Variants in PARP16 observed in about 807,000 individuals in gnomAD.
PARP16 encodes poly(ADP-ribose) polymerase family member 16, also known as protein mono-ADP-ribosyltransferase PARP16.
A neutral mutation model predicts 35.0 loss-of-function variants in PARP16; 31 were observed. The observed-to-expected ratio is 0.88, with a 90% confidence interval of 0.66 to 1.19. PARP16 has a LOEUF of 1.19. Among genes scored for constraint, PARP16 ranks in the 50% most tolerant of loss-of-function variants. The pLI, the probability that PARP16 is intolerant of heterozygous loss-of-function variation, is 0.00. For synonymous variants in PARP16, 162 were observed against 169.5 expected, an observed-to-expected ratio of 0.96 and a Z score of 0.34; for missense variants, 424 against 411.2, an observed-to-expected ratio of 1.03 and a Z score of -0.27.
intron 2 of PARP16, among the ~76,000 whole-genome samples, chr15:65,248,580 A>G (rs1358744341): frequency 6.6e-6 from 1 of 152,190 alleles, no homozygotes; most frequent in East Asian, 1.9e-4. Context: ...GCCTACACAC[A>G]CAAACCCAGA....
At chr15:65,283,300 T>C (rs1466994441) in intron 1 of PARP16, among the ~76,000 whole-genome samples, 1 of 151,922 alleles carries the variant, frequency 6.6e-6, no homozygotes, top group African/African-American at 2.4e-5. Flanking sequence ...AGCTGCATTG[T>C]GAGTTTGATC....
At chr15:65,243,526 C>T (rs1293557947) in intron 3 of PARP16, among the ~76,000 whole-genome samples, 3 of 152,200 alleles carry the variant, frequency 2.0e-5, no homozygotes, top group African/African-American at 7.2e-5. Context: ...GCTGGGATTA[C>T]AGGCGTGAGT....
At chr15:65,239,710 G>A (rs993426808) in intron 3 of PARP16, among the ~76,000 whole-genome samples, 2 of 147,384 alleles carry the variant, frequency 1.4e-5, no homozygotes, top group African/African-American at 5.0e-5. Context: ...AGGCTGGAGT[G>A]TAGTGGCGCG....
intron 2 of PARP16, among the ~76,000 whole-genome samples, chr15:65,268,019 T>C (rs917980184): frequency 1.3e-5 from 2 of 152,088 alleles, no homozygotes; most frequent in Admixed American, 1.3e-4. Context: ...ATCTATCTCC[T>C]GCATTCCATT....
intron 2 of PARP16, among the ~76,000 whole-genome samples, chr15:65,267,098 G>A (rs988449581): frequency 2.6e-4 from 40 of 151,758 alleles, no homozygotes; most frequent in African/African-American, 9.0e-4. Context: ...AAAATTAGCC[G>A]GGTGTGGCAG....
At chr15:65,265,135 C>T (rs577510859) in intron 3 of PARP16, among the ~76,000 whole-genome samples, 2 of 152,350 alleles carry the variant, frequency 1.3e-5, no homozygotes, top group African/African-American at 4.8e-5. Flanking sequence ...AGTCTCAGGG[C>T]TGCAGCAGCC....
chr15:65,286,345 C>A lies in PARP16; in HGVS notation c.82G>T (p.Ala28Ser). The A allele has an allele frequency of 1.3e-6, 2 of 1,599,502 alleles. No homozygotes were observed. Among genetic ancestry groups the A allele is most frequent in the Non-Finnish European group, 1.7e-6 (2 of 1,174,592 alleles). ...CGCTTGTAGCTCTGCAGGGCCGAGG[C>A]GAAGAGGCTGCACCGGAGGTCGGCG... is the stretch of plus-strand genomic sequence containing the variant. ...LAADLRCSLF[A>S]SALQSYKRDS... Residue 28 changes from alanine to serine, a missense_variant, in exon 1 of 6, where the codon GCC (alanine) becomes TCC (serine). Physicochemically the swap from Ala to Ser is moderately conservative, Grantham distance 99. Transcript: ENST00000649807.
chr15:65,267,612 A>C (rs972244106), intron 2 of PARP16, among the ~76,000 whole-genome samples: 1 of 118,326 alleles, frequency 8.5e-6, no homozygotes, highest in Non-Finnish European at 1.9e-5. Flanking sequence ...GTCTCAAAAA[A>C]TAAATAAATT....
intron 3 of PARP16, among the ~76,000 whole-genome samples, chr15:65,263,607 G>A (rs946509871): frequency 2.4e-4 from 36 of 152,156 alleles, no homozygotes; most frequent in African/African-American, 8.7e-4. Flanking sequence ...ATAGGTATAA[G>A]CATCCAAACC....
At chr15:65,232,296 C>T (rs2088786727), downstream of PARP16, among the ~76,000 whole-genome samples, 1 of 152,086 alleles carries the variant, frequency 6.6e-6, no homozygotes, top group African/African-American at 2.4e-5. Flanking sequence ...TTAAAGGAGC[C>T]CTGAGTTTCT....
chr15:65,268,036 A>G (rs2140896680), intron 2 of PARP16, among the ~76,000 whole-genome samples: 1 of 151,936 alleles, frequency 6.6e-6, no homozygotes, highest in Middle Eastern at 3.4e-3. Context: ...CATTTTTACA[A>G]TCATCTCATG....
intron 3 of PARP16, 33 bp from the exon 4 acceptor site, chr15:65,263,353 A>T: frequency 1.3e-6 from 2 of 1,532,176 alleles, no homozygotes; most frequent in Non-Finnish European, 1.8e-6. Flanking sequence ...AAAGAAACAC[A>T]GATGGTTGAA....
intron 1 of PARP16, among the ~76,000 whole-genome samples, chr15:65,279,039 C>A (rs1271818188): frequency 6.6e-6 from 1 of 152,186 alleles, no homozygotes; most frequent in East Asian, 1.9e-4. Flanking sequence ...GATTAGGGAT[C>A]AGAGTCTACA....
chr15:65,257,682 A>G (rs990446807), downstream of PARP16, among the ~76,000 whole-genome samples: 1 of 151,556 alleles, frequency 6.6e-6, no homozygotes, highest in African/African-American at 2.4e-5. Flanking sequence ...AAAATTAACC[A>G]GTATAGTAAG....
At chr15:65,270,150 G>A (rs567567806) in intron 2 of PARP16, among the ~76,000 whole-genome samples, 1 of 152,304 alleles carries the variant, frequency 6.6e-6, no homozygotes, top group South Asian at 2.1e-4. Context: ...AATGAATTAA[G>A]TGATGAACAG....
chr15:65,261,364 C>T (rs1233946958), intron 4 of PARP16, among the ~76,000 whole-genome samples: 1 of 149,496 alleles, frequency 6.7e-6, no homozygotes, highest in Non-Finnish European at 1.5e-5. Flanking sequence ...TCTGAAAACG[C>T]CTCTTAACAG....
At chr15:65,264,009 A>T (rs2089817926) in intron 3 of PARP16, among the ~76,000 whole-genome samples, 2 of 152,232 alleles carry the variant, frequency 1.3e-5, no homozygotes, top group African/African-American at 4.8e-5. Context: ...AAAATTAAAA[A>T]TAATAAATAA....
chr15:65,251,075 G>C (rs145108875), intron 2 of PARP16, among the ~76,000 whole-genome samples: 41 of 152,052 alleles, frequency 2.7e-4, no homozygotes, highest in Middle Eastern at 3.4e-3. Context: ...GTAGAGACGG[G>C]GTTTCACCAT....
chr15:65,278,991 A>G (rs572937466), intron 1 of PARP16, among the ~76,000 whole-genome samples: 12 of 152,304 alleles, frequency 7.9e-5, no homozygotes, highest in Non-Finnish European at 1.5e-4. Context: ...TTTGCTTTGC[A>G]CAAACCTACA....
Sources: gnomAD v4.1 joint callset for allele counts (sites outside exome capture counted in the v4.1 genomes callset) on GRCh38, gnomAD v4.1.1 for gene constraint, MANE v1.5 for transcripts, NCBI Gene and HGNC (gene_info 2026-07-23, HGNC 2026-07-21) for gene names.